The following NKAIN3 variants were observed in gnomAD, a reference collection of about 807,000 sequenced individuals.
NKAIN3 encodes the protein sodium/potassium transporting ATPase interacting 3, also known as sodium/potassium-transporting ATPase subunit beta-1-interacting protein 3.
NKAIN3 carries 25 observed loss-of-function variants against 30.2 expected under a neutral mutation model. The ratio of observed to expected loss-of-function variants is 0.83; its 90% CI spans 0.60 to 1.16. The LOEUF (loss-of-function observed/expected upper bound fraction) is 1.16. Among genes scored for constraint, NKAIN3 ranks in the 50% most tolerant of loss-of-function variants. NKAIN3 has a pLI of 0.00. For synonymous variants in NKAIN3, 91 were observed against 89.6 expected (o/e 1.02, Z -0.09); for missense variants, 225 against 254.1 (o/e 0.89, Z 0.78).
Position 62,526,308 on chromosome 8 carries a change from G to A in NKAIN3, c.55-53231G>A, listed in dbSNP as rs536656185. On this transcript the variant is annotated intron_variant, in intron 1 of 6. Coordinates refer to ENST00000623646, the MANE Select transcript of NKAIN3 (RefSeq NM_001304533.3). Reference sequence around the variant, plus strand: ...TTGGATTTGACAGAAAACCAGTTCAGCTGAAAGACATTAATCAGTACCTTC... The same window carrying A: ...TTGGATTTGACAGAAAACCAGTTCAACTGAAAGACATTAATCAGTACCTTC... 3.3e-5 allele frequency among the ~76,000 whole-genome samples: 5 copies of A among 152,208 alleles called. No individual in the cohort carries two copies. In the South Asian group the frequency reaches 8.3e-4, roughly 25 times the overall value.
At chr8:62,706,472 T>G (rs946768623) in intron 3 of NKAIN3, among the ~76,000 whole-genome samples, 1 of 152,042 alleles carries the variant, frequency 6.6e-6, no homozygotes, top group African/African-American at 2.4e-5. Flanking sequence ...AAGTGTAAAT[T>G]GGGTTTGTCC....
intron 1 of NKAIN3, among the ~76,000 whole-genome samples, chr8:62,286,004 G>T (rs1285302418): frequency 2.0e-5 from 3 of 152,110 alleles, no homozygotes; most frequent in Admixed American, 2.0e-4. Context: ...TTATGTGCAA[G>T]ATATTTATTT....
At chr8:62,809,267 C>T (rs1211101704) in intron 4 of NKAIN3, among the ~76,000 whole-genome samples, 3 of 152,018 alleles carry the variant, frequency 2.0e-5, no homozygotes, top group Non-Finnish European at 1.5e-5. Context: ...ATCACAGGGT[C>T]CTGAGGCCAC....
chr8:62,395,111 G>T (rs1326907027), intron 1 of NKAIN3, among the ~76,000 whole-genome samples: 1 of 143,590 alleles, frequency 7.0e-6, no homozygotes, highest in Non-Finnish European at 1.5e-5. Context: ...TGGGGCGACG[G>T]GACAGAGGTG....
chr8:62,722,988 A>G (rs1198664453), intron 3 of NKAIN3, among the ~76,000 whole-genome samples: 1 of 152,198 alleles, frequency 6.6e-6, no homozygotes, highest in East Asian at 1.9e-4. Context: ...GGTTTTTACC[A>G]TCTTCAACTT....
intron 4 of NKAIN3, among the ~76,000 whole-genome samples, chr8:62,903,711 G>C (rs1395625021): frequency 6.6e-6 from 1 of 152,156 alleles, no homozygotes; most frequent in Non-Finnish European, 1.5e-5. Flanking sequence ...ACCCAAGACT[G>C]GGTAATTTAT....
intron 1 of NKAIN3, among the ~76,000 whole-genome samples, chr8:62,475,183 C>T (rs903504149): frequency 1.3e-5 from 2 of 152,090 alleles, no homozygotes; most frequent in Non-Finnish European, 2.9e-5. Flanking sequence ...CTCAGCTCTC[C>T]TCTGTGAAAT....
chr8:62,492,434 T>A (rs1162219877), intron 1 of NKAIN3, among the ~76,000 whole-genome samples: 2 of 152,108 alleles, frequency 1.3e-5, no homozygotes, highest in Non-Finnish European at 2.9e-5. Flanking sequence ...CCTAATTTTC[T>A]TCTTATCTTA....
At chr8:62,641,848 TCTAAGA>T (rs1296754694) in intron 3 of NKAIN3, among the ~76,000 whole-genome samples, 1 of 152,158 alleles carries the variant, frequency 6.6e-6, no homozygotes, top group African/African-American at 2.4e-5. Context: ...AAGTCTTTTC[TCTAAGA>T]CTATGATGCA....
At chr8:62,879,819 T>C (rs1455506288) in intron 4 of NKAIN3, among the ~76,000 whole-genome samples, 1 of 152,170 alleles carries the variant, frequency 6.6e-6, no homozygotes, top group Non-Finnish European at 1.5e-5. Context: ...TGTATTGCAG[T>C]GTCTGAAGAG....
intron 3 of NKAIN3, among the ~76,000 whole-genome samples, chr8:62,684,688 T>C (rs59181770): frequency 0.033 from 4,972 of 152,312 alleles, 277 homozygotes; most frequent in African/African-American, 0.11. Context: ...TCTCCAGTAG[T>C]TCAGAATTTG....
At chr8:62,856,541 A>C in intron 4 of NKAIN3, 1 of 781,166 alleles carries the variant, frequency 1.3e-6, no homozygotes. Context: ...GTCCTGGCTC[A>C]GCTGGCTTAG....
chr8:62,917,536 C>G (rs1198883549), intron 4 of NKAIN3, among the ~76,000 whole-genome samples: 2 of 152,164 alleles, frequency 1.3e-5, no homozygotes. Flanking sequence ...AGTCAAAAGC[C>G]CCAGATATCT....
At chr8:62,438,010 T>G (rs1805219676) in intron 1 of NKAIN3, among the ~76,000 whole-genome samples, 1 of 152,232 alleles carries the variant, frequency 6.6e-6, no homozygotes, top group Non-Finnish European at 1.5e-5. Context: ...TTTTGCAAAT[T>G]TTCTCTCATA....
chr8:62,964,003 A>G (rs12545051), intron 6 of NKAIN3, among the ~76,000 whole-genome samples: 18,570 of 152,180 alleles, frequency 0.12, 1,293 homozygotes, highest in East Asian at 0.22. Flanking sequence ...AGAAGTTGCT[A>G]GATGTGGTTA....
chr8:62,402,478 G>A (rs541973366), intron 1 of NKAIN3, among the ~76,000 whole-genome samples: 101 of 152,286 alleles, frequency 6.6e-4, no homozygotes, highest in African/African-American at 2.3e-3. Flanking sequence ...CACATGTTGT[G>A]GGAGGGACCT....
chr8:62,823,620 C>G (rs1818923002), intron 4 of NKAIN3, among the ~76,000 whole-genome samples: 1 of 152,172 alleles, frequency 6.6e-6, no homozygotes. Flanking sequence ...CCTTCGTAAC[C>G]TGGCACAAAT....
At chr8:62,999,613 T>C (rs1804207745) in exon 6 of NKAIN3, 2 of 152,248 alleles carry the variant, frequency 1.3e-5, no homozygotes, top group Admixed American at 1.3e-4. Flanking sequence ...TTGTTTCCTT[T>C]GCTGTGCTGA....
chr8:62,340,530 C>G (rs1044150990), intron 1 of NKAIN3, among the ~76,000 whole-genome samples: 1 of 151,940 alleles, frequency 6.6e-6, no homozygotes, highest in East Asian at 1.9e-4. Flanking sequence ...TTTTGAGGCC[C>G]TGCCAATCCC....
Sources: allele counts gnomAD v4.1 joint callset (sites outside exome capture counted in the v4.1 genomes callset), GRCh38; gene constraint gnomAD v4.1.1; transcripts MANE v1.5; gene names NCBI Gene and HGNC (gene_info 2026-07-23, HGNC 2026-07-21).